The following NMNAT2 variants were observed in gnomAD, a reference collection of about 807,000 sequenced individuals.
The protein encoded by NMNAT2 is nicotinamide/nicotinic acid mononucleotide adenylyltransferase 2.
Under a neutral mutation model 41.6 loss-of-function variants are expected in NMNAT2, and 11 were observed. The ratio of observed to expected loss-of-function variants is 0.26; its 90% CI spans 0.17 to 0.44. The LOEUF is 0.44. NMNAT2 is among the 20% of genes least tolerant of loss of function. NMNAT2 has a pLI of 1.00. For synonymous variants in NMNAT2, 148 were observed against 151.2 expected, an observed-to-expected ratio of 0.98 and a Z score of 0.16; for missense variants, 288 against 407.7, an observed-to-expected ratio of 0.71 and a Z score of 2.53.
Position 183,284,727 on chromosome 1 carries a change from T to C in NMNAT2, c.512A>G (p.Glu171Gly). 2 of 1,614,024 alleles carry C rather than the reference T, an allele frequency of 1.2e-6. No individual in the cohort carries two copies. The highest frequency in any genetic ancestry group is 2.2e-5 in the East Asian group (1 of 44,878). Residue 171 changes from glutamate to glycine, a missense_variant, in exon 6 of 11, where the codon GAG becomes GGG. By Grantham distance (98) the Glu-to-Gly change is moderately conservative (BLOSUM62 -2). This residue lies in a region of NMNAT2 where 181 missense variants were observed against 213.7 expected (regional missense o/e 0.85). Coordinates refer to ENST00000287713, the MANE Select transcript of NMNAT2 (RefSeq NM_015039.4). ...TTCCTCACCTACAAAGGTGAAACGC[T>C]CCACCGGCGGGCGGACACAGCAGAT... ...SRICCVRPPV[E>G]RFTFVDENAN...
At chr1:183,266,397 C>T (rs774903523) in intron 8 of NMNAT2, among the ~76,000 whole-genome samples, 1 of 152,144 alleles carries the variant, frequency 6.6e-6, no homozygotes, top group Non-Finnish European at 1.5e-5. Context: ...TGTCTGGCCA[C>T]CCTAATTAAA....
At chr1:183,377,017 C>T (rs1258809535) in intron 1 of NMNAT2, among the ~76,000 whole-genome samples, 1 of 152,084 alleles carries the variant, frequency 6.6e-6, no homozygotes, top group Non-Finnish European at 1.5e-5. Flanking sequence ...AGGAGAACAG[C>T]AACTGCTGGA....
chr1:183,380,614 A>G (rs1663784143), intron 1 of NMNAT2, among the ~76,000 whole-genome samples: 1 of 152,220 alleles, frequency 6.6e-6, no homozygotes, highest in African/African-American at 2.4e-5. Flanking sequence ...AGATAATGGG[A>G]TCAGAAGGGG....
At chr1:183,258,332 A>T (rs1226933402) in intron 10 of NMNAT2, among the ~76,000 whole-genome samples, 1 of 152,156 alleles carries the variant, frequency 6.6e-6, no homozygotes, top group African/African-American at 2.4e-5. Context: ...CTCACTGGAG[A>T]CCAGCTCACT....
intron 1 of NMNAT2, among the ~76,000 whole-genome samples, chr1:183,400,978 C>T (rs1231081733): frequency 3.9e-5 from 6 of 152,168 alleles, no homozygotes; most frequent in African/African-American, 7.2e-5. Context: ...AAAACCTAGG[C>T]AATACCATTC....
chr1:183,388,856 T>G (rs373277813), intron 1 of NMNAT2, among the ~76,000 whole-genome samples: 1 of 152,226 alleles, frequency 6.6e-6, no homozygotes, highest in Non-Finnish European at 1.5e-5. Flanking sequence ...TAAATATTCA[T>G]GAGTTCTTGA....
At chr1:183,260,635 T>C (rs1008166142) in intron 10 of NMNAT2, among the ~76,000 whole-genome samples, 10 of 151,866 alleles carry the variant, frequency 6.6e-5, no homozygotes, top group Non-Finnish European at 1.2e-4. Context: ...CTGGCCAAAA[T>C]GGTGAAATCC....
intron 1 of NMNAT2, among the ~76,000 whole-genome samples, chr1:183,341,725 C>CAAAAAAAAAAACAAAAAAAAAAAAAAAAA (rs1662811194): frequency 9.0e-5 from 2 of 22,210 alleles, no homozygotes; most frequent in African/African-American, 3.2e-4. Flanking sequence ...AAACAAACAC[C>CAAAAAAAAAAACAAAAAAAAAAAAAAAAA]AAAAAAAAAA....
At chr1:183,345,381 T>G (rs1002437480) in intron 1 of NMNAT2, among the ~76,000 whole-genome samples, 2 of 152,166 alleles carry the variant, frequency 1.3e-5, no homozygotes, top group African/African-American at 4.8e-5. Flanking sequence ...GTGGCAGTAT[T>G]GAGAGGTGAA....
chr1:183,260,486 A>C (rs2182018), intron 10 of NMNAT2, among the ~76,000 whole-genome samples: 109,575 of 151,720 alleles, frequency 0.72, 40,918 homozygotes, highest in Middle Eastern at 0.86. Context: ...CCTTTAAAGC[A>C]TCTAAGACTA....
chr1:183,254,013 A>G (rs922310592), intron 10 of NMNAT2, among the ~76,000 whole-genome samples: 3 of 151,886 alleles, frequency 2.0e-5, no homozygotes, highest in African/African-American at 4.8e-5. Flanking sequence ...TTGTTTCCAC[A>G]TCTTGGCTAC....
intron 1 of NMNAT2, among the ~76,000 whole-genome samples, chr1:183,304,224 A>G (rs1295282869): frequency 6.6e-6 from 1 of 152,266 alleles, no homozygotes; most frequent in Non-Finnish European, 1.5e-5. Flanking sequence ...AAAAGCGTGC[A>G]GCACGTACAA....
chr1:183,281,094 T>C (rs10157064), intron 7 of NMNAT2, among the ~76,000 whole-genome samples: 3,089 of 152,180 alleles, frequency 0.02, 88 homozygotes, highest in African/African-American at 0.071. Context: ...CTAGTGTTAG[T>C]GTATTTTATG....
At chr1:183,346,189 A>G (rs535249511) in intron 1 of NMNAT2, among the ~76,000 whole-genome samples, 34 of 152,196 alleles carry the variant, frequency 2.2e-4, no homozygotes, top group Admixed American at 2.2e-3. Context: ...GATGGCCTCC[A>G]GGGTTCTTTC....
chr1:183,304,392 C>G (rs1245973420), intron 1 of NMNAT2, among the ~76,000 whole-genome samples: 1 of 152,190 alleles, frequency 6.6e-6, no homozygotes, highest in Admixed American at 6.5e-5. Flanking sequence ...GCAGAAGGCA[C>G]ATGATGGCAG....
Position 183,374,266 on chromosome 1 carries a change from A to C in NMNAT2, c.85+43917T>G, listed in dbSNP as rs148495337. On this transcript the variant is annotated intron_variant, in intron 1 of 10. Coordinates refer to ENST00000287713, the MANE Select transcript of NMNAT2 (RefSeq NM_015039.4). ...AGCAAAAAAGTGATGTTTCCTCCAA[A>C]GGGAAGATAGACTTCAGGAATCTGC... 1.5e-3 allele frequency among the ~76,000 whole-genome samples: 225 copies of C among 149,038 alleles called. 2 individuals are homozygous for C. Among genetic ancestry groups the C allele is most frequent in the African/African-American group, 5.3e-3 (218 of 41,000 alleles).
chr1:183,357,533 G>A (rs1461376691), intron 1 of NMNAT2, among the ~76,000 whole-genome samples: 2 of 152,074 alleles, frequency 1.3e-5, no homozygotes, highest in Non-Finnish European at 2.9e-5. Context: ...CCGGCTGAGA[G>A]ATATCAAATT....
chr1:183,317,261 C>T (rs995716562), intron 1 of NMNAT2, among the ~76,000 whole-genome samples: 2 of 152,178 alleles, frequency 1.3e-5, no homozygotes, highest in Admixed American at 6.5e-5. Flanking sequence ...TCCAGCATAC[C>T]CTGAGCCTGA....
intron 1 of NMNAT2, among the ~76,000 whole-genome samples, chr1:183,299,497 A>T (rs927929744): frequency 6.6e-6 from 1 of 152,182 alleles, no homozygotes; most frequent in African/African-American, 2.4e-5. Context: ...TTATTGTATG[A>T]TTTTATTTAT....
Sources: allele counts gnomAD v4.1 joint callset (sites outside exome capture counted in the v4.1 genomes callset), GRCh38; gene constraint gnomAD v4.1.1; regional missense constraint gnomAD v4.1.1; transcripts MANE v1.5; gene names NCBI Gene and HGNC (gene_info 2026-07-23, HGNC 2026-07-21).